The following CNNM2 variants were observed in gnomAD, a reference collection of about 807,000 sequenced individuals.
The protein encoded by CNNM2 is cyclin and CBS domain divalent metal cation transport mediator 2.
Under a neutral mutation model 66.9 loss-of-function variants are expected in CNNM2, and 12 were observed. The observed-to-expected ratio is 0.18, with a 90% CI of 0.11 to 0.29. The LOEUF is 0.29. Among genes scored for constraint, CNNM2 ranks in the 10% least tolerant of loss-of-function variants. The probability of loss-of-function intolerance (pLI) is 1.00; values close to 1 mark genes in which losing one functional copy is unlikely to be tolerated. For missense variants in CNNM2, 705 were observed against 1,167.7 expected (o/e 0.60, Z 5.77); for synonymous variants, 557 against 501.8 (o/e 1.11, Z -1.47).
At chr10:103,033,620 G>C (rs181609270) in intron 1 of CNNM2, among the ~76,000 whole-genome samples, 89 of 152,200 alleles carry the variant, frequency 5.8e-4, no homozygotes, top group African/African-American at 2.1e-3. Context: ...GGATGAGTTA[G>C]GAAAGCCATA....
intron 6 of CNNM2, among the ~76,000 whole-genome samples, chr10:103,074,967 G>A (rs2065663658): frequency 1.3e-5 from 2 of 152,208 alleles, no homozygotes; most frequent in African/African-American, 4.8e-5. Flanking sequence ...TCCTAGAGAA[G>A]AGACTTAAGG....
At chr10:103,029,177 G>A (rs1046610695) in intron 1 of CNNM2, among the ~76,000 whole-genome samples, 1 of 151,424 alleles carries the variant, frequency 6.6e-6, no homozygotes, top group Non-Finnish European at 1.5e-5. Context: ...TTTATTAAAA[G>A]TATTGGCCAG....
chr10:102,940,512 G>T (rs1221056269), intron 1 of CNNM2, among the ~76,000 whole-genome samples: 1 of 54,436 alleles, frequency 1.8e-5, no homozygotes, highest in Non-Finnish European at 3.7e-5. Context: ...TCCGCCTCCC[G>T]GGTTCACACC....
At chr10:103,037,730 G>C (rs1050591690) in intron 1 of CNNM2, among the ~76,000 whole-genome samples, 3 of 152,188 alleles carry the variant, frequency 2.0e-5, no homozygotes, top group Admixed American at 2.0e-4. Flanking sequence ...TCAGAAAGTT[G>C]TATACGTTGA....
chr10:102,930,301 T>C (rs745332139), intron 1 of CNNM2, among the ~76,000 whole-genome samples: 8 of 152,170 alleles, frequency 5.3e-5, no homozygotes, highest in Non-Finnish European at 8.8e-5. Flanking sequence ...ATGTATACAC[T>C]GGAAGGTAAC....
At chr10:102,939,307 C>G (rs190154696) in intron 1 of CNNM2, among the ~76,000 whole-genome samples, 60 of 152,298 alleles carry the variant, frequency 3.9e-4, no homozygotes, top group Admixed American at 7.8e-4. Context: ...TTTCCTTTCT[C>G]TTTTTACTGC....
Position 102,920,027 on chromosome 10 carries a change from A to G in CNNM2, c.1547A>G (p.Lys516Arg). 3 of 1,614,156 alleles carry G rather than the reference A, an allele frequency of 1.9e-6. No individual in the cohort carries two copies. The highest frequency in any genetic ancestry group is 1.3e-5 in the African/African-American group (1 of 75,004). ...DDCTPLKTIT[K>R]FYNHPLHFVF... The stretch of plus-strand genomic sequence containing the variant: ...TGTACCCCCCTGAAAACCATCACCA[A>G]ATTTTATAACCACCCCTTGCACTTT... Residue 516 changes from lysine to arginine, a missense_variant, in exon 1 of 8, where the codon AAA (lysine) becomes AGA (arginine). This residue lies in a region of CNNM2 where 171 missense variants were observed against 304.8 expected (regional missense o/e 0.56). Transcript: ENST00000369878.
At chr10:103,009,674 CAAA>C (rs36096913) in intron 1 of CNNM2, among the ~76,000 whole-genome samples, 2 of 58,632 alleles carry the variant, frequency 3.4e-5, no homozygotes, top group African/African-American at 1.5e-4. Flanking sequence ...CCTGAGTCTC[CAAA>C]AAAAAAAAAA....
intron 1 of CNNM2, among the ~76,000 whole-genome samples, chr10:103,020,433 G>A (rs1302448242): frequency 6.6e-6 from 1 of 152,124 alleles, no homozygotes; most frequent in East Asian, 1.9e-4. Flanking sequence ...TGGGATTACA[G>A]GCATGAGCAC....
chr10:102,951,153 A>G (rs1040460458), intron 1 of CNNM2, among the ~76,000 whole-genome samples: 1 of 151,538 alleles, frequency 6.6e-6, no homozygotes, highest in Admixed American at 6.6e-5. Context: ...ATAGCTGGCT[A>G]ATTTTTGTAT....
At chr10:102,969,793 A>T (rs2063522218) in intron 1 of CNNM2, among the ~76,000 whole-genome samples, 1 of 151,138 alleles carries the variant, frequency 6.6e-6, no homozygotes, top group South Asian at 2.1e-4. Flanking sequence ...ACAGGCGTGC[A>T]CCACCACGCC....
chr10:102,958,456 C>CTTTTTTTTTTTTTTTTTTTTTTTTTTTT (rs1847128391), intron 1 of CNNM2, among the ~76,000 whole-genome samples: 1 of 114,288 alleles, frequency 8.7e-6, no homozygotes, highest in African/African-American at 3.3e-5. Context: ...ATTCAAGCAA[C>CTTTTTTTTTTTTTTTTTTTTTTTTTTTT]TTGTTTTTTT....
chr10:103,043,379 C>T (rs549438170), intron 1 of CNNM2, among the ~76,000 whole-genome samples: 1 of 152,212 alleles, frequency 6.6e-6, no homozygotes, highest in African/African-American at 2.4e-5. Flanking sequence ...TCCCATTTCA[C>T]TTCATTGACA....
chr10:102,993,761 G>A (rs111603791), intron 1 of CNNM2, among the ~76,000 whole-genome samples: 2,165 of 151,108 alleles, frequency 0.014, 16 homozygotes, highest in Non-Finnish European at 0.022. Context: ...TAAGGTGTAG[G>A]TCTGTCATTA....
intron 1 of CNNM2, among the ~76,000 whole-genome samples, chr10:102,994,871 G>A (rs1245472151): frequency 1.3e-5 from 2 of 152,200 alleles, no homozygotes; most frequent in Non-Finnish European, 2.9e-5. Flanking sequence ...GCATATGATT[G>A]GTGGAACCTA....
intron 1 of CNNM2, among the ~76,000 whole-genome samples, chr10:103,031,111 T>C (rs908567674): frequency 3.3e-5 from 5 of 152,206 alleles, no homozygotes; most frequent in African/African-American, 9.7e-5. Context: ...AAAAGCATAT[T>C]ACCACAAAGC....
intron 1 of CNNM2, among the ~76,000 whole-genome samples, chr10:102,946,137 AAGAC>A (rs954216449): frequency 1.2e-4 from 18 of 152,304 alleles, no homozygotes; most frequent in Admixed American, 5.9e-4. Flanking sequence ...TAGTTATAAA[AAGAC>A]AGAATGAGTT....
chr10:102,963,090 A>G (rs539451104), intron 1 of CNNM2, among the ~76,000 whole-genome samples: 6 of 152,296 alleles, frequency 3.9e-5, no homozygotes, highest in East Asian at 1.9e-4. Flanking sequence ...CATATGGCCA[A>G]TCAGTTTAAG....
At chr10:103,021,745 T>TATG (rs1284911928) in intron 1 of CNNM2, among the ~76,000 whole-genome samples, 4 of 142,628 alleles carry the variant, frequency 2.8e-5, no homozygotes, top group South Asian at 2.2e-4. Flanking sequence ...CTCCTTTTTC[T>TATG]ATGGACTCTT....
Sources: gnomAD v4.1 joint callset for allele counts (sites outside exome capture counted in the v4.1 genomes callset) on GRCh38, gnomAD v4.1.1 for gene constraint, gnomAD v4.1.1 regional missense constraint, MANE v1.5 for transcripts, NCBI Gene and HGNC (gene_info 2026-07-23, HGNC 2026-07-21) for gene names.